SGSM1: variants seen among roughly 807,000 people sequenced by gnomAD.
SGSM1 encodes the protein RUN and TBC1 domain containing 2.
In SGSM1, 73 loss-of-function variants were observed where a neutral mutation model predicts 133.8. That is an observed-to-expected ratio of 0.55 (90% confidence interval 0.45 to 0.66). The LOEUF (loss-of-function observed/expected upper bound fraction) is 0.66. Among genes scored for constraint, SGSM1 ranks in the 30% least tolerant of loss-of-function variants. SGSM1 has a pLI of 0.00. For synonymous variants in SGSM1, 563 were observed against 573.0 expected (o/e 0.98, Z 0.25); for missense variants, 1,213 against 1,448.1 (o/e 0.84, Z 2.64).
chr22:24,912,251 A>G (rs368695993), intron 21 of SGSM1, among the ~76,000 whole-genome samples: 19 of 152,354 alleles, frequency 1.2e-4, no homozygotes, highest in Middle Eastern at 6.8e-3. Flanking sequence ...ACTTTAGTTC[A>G]TAATGTGTCC....
chr22:24,845,013 G>T lies in SGSM1; in HGVS notation c.139+41G>T, dbSNP rs763996679. 5.0e-6 allele frequency: 8 copies of T among 1,597,416 alleles called. 1 individual carries two copies. The South Asian group carries it at 6.7e-5, about 13-fold the overall frequency. ...GGGAAAGTGGCTTCTTTCTCTGTGG[G>T]CTGCCTCGGGGAAGTGGTGTCTTGG... On this transcript the variant is annotated intron_variant, in intron 3 of 24. Transcript: ENST00000400358.
intron 5 of SGSM1, among the ~76,000 whole-genome samples, chr22:24,850,636 A>T (rs912293828): frequency 6.6e-6 from 1 of 152,186 alleles, no homozygotes; most frequent in Non-Finnish European, 1.5e-5. Context: ...GAGTATAGGG[A>T]TCCTGGGTTT....
chr22:24,835,202 T>A (rs1929357566), intron 2 of SGSM1, among the ~76,000 whole-genome samples: 1 of 152,212 alleles, frequency 6.6e-6, no homozygotes, highest in Non-Finnish European at 1.5e-5. Flanking sequence ...ACAGACCAGA[T>A]GTAACTTGTT....
intron 21 of SGSM1, among the ~76,000 whole-genome samples, chr22:24,906,501 T>C (rs1008980599): frequency 1.3e-5 from 2 of 152,194 alleles, no homozygotes; most frequent in African/African-American, 2.4e-5. Flanking sequence ...AGGAATAAAA[T>C]AATTAAAACT....
rs866038171 is a variant in SGSM1, at chr22:24,851,446, G to T, written c.455+1014G>T. On this transcript the variant is annotated intron_variant, in intron 5 of 24. Coordinates refer to ENST00000400358, the MANE Select transcript of SGSM1 (RefSeq NM_001098497.3). ...GGTGGCAGGAAGGGAGGGGGGGGTG[G>T]GGGGAGAGAGAGAGAGAGAGAGAGA... Among the ~76,000 whole-genome samples the T allele has an allele frequency of 1.4e-4, 19 of 134,758 alleles. 1 individual carries two copies. The highest frequency in any genetic ancestry group is 1.2e-3 in the East Asian group (5 of 4,138). The allele number at this position is 134,758 out of a possible 152,430, so 88.4% of individuals were successfully genotyped here. A position where few individuals can be genotyped will look rare whatever the true frequency, so the allele number is the denominator to read the frequency against.
Position 24,895,434 on chromosome 22 carries a change from TG to T in SGSM1, c.2022+144del, listed in dbSNP as rs544609737. The T allele has an allele frequency of 4.7e-4, 406 of 871,716 alleles. 6 individuals are homozygous for T. In the African/African-American group the frequency reaches 6.0e-3, roughly 13 times the overall value. The allele number at this position is 871,716 out of a possible 1,614,324, so 54.0% of individuals were successfully genotyped here. On this transcript the variant is annotated intron_variant, in intron 18 of 24. Transcript: ENST00000400358. ...TATATTAGCATTAAACATTGTTTTT[TG>T]TTTTTTGTTTAGTAATGCAAGAAAT...
intron 19 of SGSM1, among the ~76,000 whole-genome samples, chr22:24,900,211 G>A (rs901335999): frequency 1.3e-5 from 2 of 151,684 alleles, no homozygotes; most frequent in South Asian, 4.2e-4. Context: ...TTATAGAGAT[G>A]GGGTTTTGCC....
intron 2 of SGSM1, among the ~76,000 whole-genome samples, chr22:24,825,676 C>T (rs955884579): frequency 1.3e-5 from 2 of 152,286 alleles, no homozygotes; most frequent in South Asian, 2.1e-4. Flanking sequence ...GTGATCCACC[C>T]GCCTCAGCCT....
At chr22:24,817,028 A>G (rs1462355212) in intron 2 of SGSM1, among the ~76,000 whole-genome samples, 1 of 152,158 alleles carries the variant, frequency 6.6e-6, no homozygotes, top group South Asian at 2.1e-4. Flanking sequence ...GGGTGGAGTT[A>G]GCCCTGTGAG....
chr22:24,838,929 C>CAAAAAAAAAAA (rs139655), intron 2 of SGSM1, among the ~76,000 whole-genome samples: 1 of 147,012 alleles, frequency 6.8e-6, no homozygotes, highest in Non-Finnish European at 1.5e-5. Flanking sequence ...TATGTTTCTG[C>CAAAAAAAAAAA]AAAAAAAAAA....
chr22:24,857,989 GT>G (rs1355535157), intron 8 of SGSM1, among the ~76,000 whole-genome samples: 34 of 151,976 alleles, frequency 2.2e-4, no homozygotes, highest in African/African-American at 7.2e-4. Context: ...TTTGTTTTTT[GT>G]TTTTTTGGAG....
intron 3 of SGSM1, among the ~76,000 whole-genome samples, chr22:24,845,614 A>G (rs534105415): frequency 6.6e-6 from 1 of 152,340 alleles, no homozygotes; most frequent in Non-Finnish European, 1.5e-5. Context: ...GGAGTGTCTC[A>G]TAATGCAGGA....
chr22:24,878,868 G>A (rs1021930056), intron 13 of SGSM1, among the ~76,000 whole-genome samples: 86 of 152,226 alleles, frequency 5.6e-4, no homozygotes, highest in African/African-American at 2.0e-3. Flanking sequence ...ACTGGTTCAA[G>A]TACAAAAGGA....
chr22:24,828,572 A>T (rs1483668600), intron 2 of SGSM1, among the ~76,000 whole-genome samples: 2 of 152,214 alleles, frequency 1.3e-5, no homozygotes, highest in Non-Finnish European at 1.5e-5. Context: ...ACCATCTCAC[A>T]TCAGTCAGAA....
chr22:24,850,332 C>A lies in SGSM1; in HGVS notation c.355C>A (p.Pro119Thr). ...QENVRKLPKLPNLSPLAIKHL... is the reference protein window; with the variant it reads ...QENVRKLPKLTNLSPLAIKHL... ...GAATGTGCGGAAGCTGCCGAAGCTGCCCAACTTGTCCCCACTTGCCATCAA... is the reference window on the plus strand; with the variant it reads ...GAATGTGCGGAAGCTGCCGAAGCTGACCAACTTGTCCCCACTTGCCATCAA... The change falls in exon 5 of 25, where the codon CCC becomes ACC. Residue 119 changes from proline to threonine, a missense_variant. By Grantham distance (38) the Pro-to-Thr change is conservative. Transcript: ENST00000400358. 1 of 1,613,642 alleles carries A rather than the reference C, an allele frequency of 6.2e-7. No individual in the cohort carries two copies. The highest frequency in any genetic ancestry group is 8.5e-7 in the Non-Finnish European group (1 of 1,179,774).
chr22:24,845,960 T>TCTTTCTTC (rs1930102749), intron 3 of SGSM1, among the ~76,000 whole-genome samples: 1 of 102,880 alleles, frequency 9.7e-6, no homozygotes. Context: ...TTTCTTTCTT[T>TCTTTCTTC]CTTTCTTTCT....
chr22:24,810,446 C>A (rs1286044635), intron 2 of SGSM1, among the ~76,000 whole-genome samples: 1 of 151,948 alleles, frequency 6.6e-6, no homozygotes, highest in Admixed American at 6.6e-5. Context: ...TATCTTGGCT[C>A]CTTCCTGGCT....
chr22:24,898,408 G>A lies in SGSM1; in HGVS notation c.2459G>A (p.Ser820Asn). 1.2e-6 allele frequency: 2 copies of A among 1,613,932 alleles called. No individual in the cohort carries two copies. The highest frequency in any genetic ancestry group is 1.7e-5 in the Admixed American group (1 of 60,008). ...GTTGTGATGGAGGGCTGGAGGAGCA[G>A]CGAGACAGAGAAACATGGCCAGGCG... is the stretch of plus-strand genomic sequence containing the variant. ...DDVVMEGWRS[S>N]ETEKHGQADS... Residue 820 changes from serine (S) to asparagine (N), a missense_variant, in exon 19 of 25, where the codon AGC becomes AAC. Transcript: ENST00000400358.
chr22:24,913,794 C>T (rs181682975), intron 22 of SGSM1, among the ~76,000 whole-genome samples: 8 of 151,958 alleles, frequency 5.3e-5, no homozygotes, highest in African/African-American at 1.7e-4. Context: ...CAGAGGCGGG[C>T]GGATCACTTG....
Sources: allele counts gnomAD v4.1 joint callset (sites outside exome capture counted in the v4.1 genomes callset), GRCh38; gene constraint gnomAD v4.1.1; transcripts MANE v1.5; gene names NCBI Gene and HGNC (gene_info 2026-07-23, HGNC 2026-07-21).